The following AUTS2 variants were observed in gnomAD, a reference collection of about 807,000 sequenced individuals.
AUTS2 encodes autism susceptibility gene 2 protein.
In AUTS2, 17 loss-of-function variants were observed where a neutral mutation model predicts 112.4. The observed-to-expected ratio is 0.15, with a 90% CI of 0.10 to 0.23. The LOEUF (loss-of-function observed/expected upper bound fraction) is 0.23, where lower values mean the gene tolerates loss of function less well. Among genes scored for constraint, AUTS2 ranks in the 10% least tolerant of loss-of-function variants. The probability of loss-of-function intolerance (pLI) is 1.00; values close to 1 mark genes in which losing one functional copy is unlikely to be tolerated. For missense variants in AUTS2, 1,510 were observed against 1,701.6 expected (o/e 0.89, Z 1.98); for synonymous variants, 751 against 702.7 (o/e 1.07, Z -1.09).
intron 1 of AUTS2, among the ~76,000 whole-genome samples, chr7:69,638,763 A>G (rs73439049): frequency 0.01 from 1,541 of 152,320 alleles, 36 homozygotes; most frequent in African/African-American, 0.035. Context: ...TGTAGATCCC[A>G]ATAAAGGTCT....
chr7:70,008,526 A>G (rs1020373060), intron 2 of AUTS2, among the ~76,000 whole-genome samples: 1 of 152,160 alleles, frequency 6.6e-6, no homozygotes, highest in East Asian at 1.9e-4. Context: ...GGGTATGCCT[A>G]CAGACATTTT....
At chr7:69,983,053 A>G (rs1399831066) in intron 2 of AUTS2, among the ~76,000 whole-genome samples, 1 of 152,202 alleles carries the variant, frequency 6.6e-6, no homozygotes, top group Non-Finnish European at 1.5e-5. Flanking sequence ...CCTACCGGAA[A>G]CTAATGGCGT....
chr7:69,913,881 C>A (rs79812294), intron 2 of AUTS2, among the ~76,000 whole-genome samples: 2,621 of 152,182 alleles, frequency 0.017, 88 homozygotes, highest in African/African-American at 0.06. Flanking sequence ...CAAGTTCCTT[C>A]GTACCCTGGA....
intron 4 of AUTS2, among the ~76,000 whole-genome samples, chr7:70,261,308 T>C (rs1394480244): frequency 6.6e-6 from 1 of 152,200 alleles, no homozygotes; most frequent in Non-Finnish European, 1.5e-5. Context: ...AGTAGTTCCA[T>C]GTTCACCTGG....
intron 2 of AUTS2, among the ~76,000 whole-genome samples, chr7:70,113,255 A>AT (rs1422217630): frequency 3.3e-5 from 5 of 152,040 alleles, no homozygotes; most frequent in African/African-American, 1.2e-4. Flanking sequence ...TATTGTAGTT[A>AT]TTTTGTGTTT....
intron 2 of AUTS2, among the ~76,000 whole-genome samples, chr7:69,934,772 C>T (rs1474301303): frequency 6.6e-6 from 1 of 152,176 alleles, no homozygotes; most frequent in Non-Finnish European, 1.5e-5. Context: ...TGTTCAATCT[C>T]GTCTTGACAG....
intron 2 of AUTS2, among the ~76,000 whole-genome samples, chr7:69,917,384 A>G (rs551029244): frequency 7.3e-5 from 11 of 150,818 alleles, no homozygotes; most frequent in African/African-American, 2.4e-4. Context: ...ACTCCTACAA[A>G]TCTGAATTTT....
intron 5 of AUTS2, among the ~76,000 whole-genome samples, chr7:70,468,583 A>G (rs1018096342): frequency 3.9e-5 from 6 of 152,200 alleles, no homozygotes; most frequent in Non-Finnish European, 8.8e-5. Context: ...GTGGGACATC[A>G]GGAGAGAGGC....
At chr7:70,117,893 C>T (rs1805465862) in intron 2 of AUTS2, among the ~76,000 whole-genome samples, 2 of 152,032 alleles carry the variant, frequency 1.3e-5, no homozygotes, top group Admixed American at 1.3e-4. Context: ...GGATTACAGG[C>T]ACATGCCACC....
chr7:70,513,765 T>C (rs993029906), intron 5 of AUTS2, among the ~76,000 whole-genome samples: 2 of 151,738 alleles, frequency 1.3e-5, no homozygotes, highest in Non-Finnish European at 1.5e-5. Context: ...ATTCAAGTGA[T>C]TCGCATGTCT....
intron 2 of AUTS2, among the ~76,000 whole-genome samples, chr7:70,107,335 CTTTTTTTTTTT>C (rs35066322): frequency 8.3e-5 from 8 of 96,936 alleles, no homozygotes; most frequent in African/African-American, 2.8e-4. Context: ...AGATGAGAAG[CTTTTTTTTTTT>C]TTTTTTTTTT....
intron 4 of AUTS2, among the ~76,000 whole-genome samples, chr7:70,344,069 A>G (rs1283264693): frequency 2.0e-5 from 3 of 152,162 alleles, no homozygotes; most frequent in Non-Finnish European, 4.4e-5. Context: ...AGGGTCGTGC[A>G]GGTTCAGGAT....
intron 4 of AUTS2, among the ~76,000 whole-genome samples, chr7:70,226,377 T>G (rs1811765006): frequency 7.1e-6 from 1 of 140,230 alleles, no homozygotes; most frequent in African/African-American, 2.6e-5. Flanking sequence ...TTTTTTTTTT[T>G]TGTATTTTCA....
At chr7:70,002,990 T>G (rs2129552972) in intron 2 of AUTS2, among the ~76,000 whole-genome samples, 1 of 151,110 alleles carries the variant, frequency 6.6e-6, no homozygotes, top group Admixed American at 6.6e-5. Context: ...ATCAACAATT[T>G]TAAGAAAAAA....
chr7:69,791,282 T>A (rs1037022421), intron 1 of AUTS2, among the ~76,000 whole-genome samples: 1 of 152,170 alleles, frequency 6.6e-6, no homozygotes, highest in African/African-American at 2.4e-5. Flanking sequence ...TGACCTCCAA[T>A]AGAGCTGTGT....
At chr7:70,542,261 G>C (rs1372068679) in intron 5 of AUTS2, among the ~76,000 whole-genome samples, 3 of 152,160 alleles carry the variant, frequency 2.0e-5, no homozygotes, top group African/African-American at 7.2e-5. Context: ...CTTCCTGAGA[G>C]TTCACTAGCT....
chr7:70,512,870 A>C (rs780656035), intron 5 of AUTS2, among the ~76,000 whole-genome samples: 58 of 151,078 alleles, frequency 3.8e-4, no homozygotes, highest in Non-Finnish European at 6.9e-4. Context: ...TTTGATATAT[A>C]CACACTGGTG....
intron 14 of AUTS2, among the ~76,000 whole-genome samples, chr7:70,778,686 T>G (rs1790867808): frequency 6.6e-6 from 1 of 152,196 alleles, no homozygotes; most frequent in Admixed American, 6.5e-5. Flanking sequence ...TGCTCTTTCT[T>G]ATAACATGCC....
At chr7:70,416,631 A>G (rs1258881446) in intron 4 of AUTS2, among the ~76,000 whole-genome samples, 3 of 152,224 alleles carry the variant, frequency 2.0e-5, no homozygotes, top group African/African-American at 4.8e-5. Context: ...CTTCAGCCCT[A>G]TGAACCTGTC....
Sources: gnomAD v4.1 joint callset for allele counts (sites outside exome capture counted in the v4.1 genomes callset) on GRCh38, gnomAD v4.1.1 for gene constraint, MANE v1.5 for transcripts, NCBI Gene and HGNC (gene_info 2026-07-23, HGNC 2026-07-21) for gene names.